Variants in PLEKHA8 observed in about 807,000 individuals in gnomAD.
The protein encoded by PLEKHA8 is pleckstrin homology domain containing A8.
A neutral mutation model predicts 68.2 loss-of-function variants in PLEKHA8; 36 were observed. The ratio of observed to expected loss-of-function variants is 0.53; its 90% CI spans 0.40 to 0.70. PLEKHA8 has a LOEUF of 0.70. PLEKHA8 is among the 30% of genes least tolerant of loss of function. PLEKHA8 has a pLI of 0.00. For missense variants in PLEKHA8, 505 were observed against 615.4 expected (o/e 0.82, Z 1.90); for synonymous variants, 211 against 216.1 (o/e 0.98, Z 0.20).
intron 13 of PLEKHA8, among the ~76,000 whole-genome samples, chr7:30,075,570 G>A (rs3828975): frequency 2.0e-5 from 3 of 152,152 alleles, no homozygotes; most frequent in Non-Finnish European, 4.4e-5. Context: ...CTCCATTAGA[G>A]CTCTCTGCAG....
intron 12 of PLEKHA8, among the ~76,000 whole-genome samples, chr7:30,068,488 C>T (rs1282430780): frequency 2.0e-5 from 3 of 152,114 alleles, no homozygotes; most frequent in Non-Finnish European, 4.4e-5. Context: ...GTAGCTTTTC[C>T]TGTCTTCACT....
chr7:30,056,278 T>TTCTCCCTCTCTCTCTCTC (rs1554384848), intron 9 of PLEKHA8, among the ~76,000 whole-genome samples: 1 of 56,384 alleles, frequency 1.8e-5, no homozygotes, highest in Non-Finnish European at 3.6e-5. Flanking sequence ...TAAAGATATA[T>TTCTCCCTCTCTCTCTCTC]TCTCTCTCTC....
At chr7:30,075,214 T>A (rs1418050917) in intron 13 of PLEKHA8, 2 of 152,096 alleles carry the variant, frequency 1.3e-5, no homozygotes, top group African/African-American at 4.8e-5. Context: ...CAAATCAGAT[T>A]CTAATGAAAA....
At chr7:30,050,567 G>C in intron 6 of PLEKHA8, 93 bp downstream of exon 6, 2 of 1,372,606 alleles carry the variant, frequency 1.5e-6, no homozygotes, top group Non-Finnish European at 1.9e-6. Context: ...TCTTGTAATG[G>C]TTTTTCTCAG....
chr7:30,056,238 C>T (rs866633338), intron 9 of PLEKHA8, among the ~76,000 whole-genome samples: 33 of 146,516 alleles, frequency 2.3e-4, no homozygotes, highest in African/African-American at 5.5e-4. Context: ...CCACCACGCC[C>T]GGCCTGCAAA....
At chr7:30,029,316 A>G (rs1324333774) in intron 1 of PLEKHA8, among the ~76,000 whole-genome samples, 2 of 152,226 alleles carry the variant, frequency 1.3e-5, no homozygotes, top group East Asian at 1.9e-4. Context: ...CAGGGTGTCA[A>G]GAGTCCCAAC....
intron 13 of PLEKHA8, among the ~76,000 whole-genome samples, chr7:30,119,467 T>G (rs1796660538): frequency 6.6e-6 from 1 of 152,204 alleles, no homozygotes; most frequent in African/African-American, 2.4e-5. Flanking sequence ...CTCAAAGCCG[T>G]GCATTACATT....
chr7:30,047,702 A>C, intron 3 of PLEKHA8, 130 bp from the exon 4 acceptor site: 1 of 955,208 alleles, frequency 1.0e-6, no homozygotes, highest in South Asian at 1.9e-5. Flanking sequence ...CCCATACTTT[A>C]AAGATTTGAC....
intron 13 of PLEKHA8, among the ~76,000 whole-genome samples, chr7:30,113,037 T>C (rs941858574): frequency 2.0e-5 from 3 of 152,206 alleles, no homozygotes; most frequent in Admixed American, 6.5e-5. Flanking sequence ...TCTGACATGT[T>C]TTTGTCTTCT....
chr7:30,114,760 T>C (rs2128019272), intron 13 of PLEKHA8, among the ~76,000 whole-genome samples: 1 of 152,224 alleles, frequency 6.6e-6, no homozygotes, highest in South Asian at 2.1e-4. Context: ...TCAAGAGCAG[T>C]TTTGCATTTG....
At chr7:30,070,823 C>T (rs929788291) in intron 12 of PLEKHA8, among the ~76,000 whole-genome samples, 2 of 152,150 alleles carry the variant, frequency 1.3e-5, no homozygotes, top group Non-Finnish European at 2.9e-5. Context: ...GGATTATAGG[C>T]GTGAGCCACC....
intron 13 of PLEKHA8, chr7:30,115,964 A>G (rs1796496958): frequency 7.5e-6 from 1 of 132,854 alleles, no homozygotes; most frequent in African/African-American, 2.8e-5. Context: ...ACATGCATGC[A>G]TACATGTGCA....
Position 30,106,330 on chromosome 7 carries a change from C to G in PLEKHA8, c.1363-22936C>G, listed in dbSNP as rs574780899. On this transcript the variant is annotated intron_variant, in intron 13 of 13. Transcript: ENST00000396257. ...TGTCTGCCTTGGCTTTCCAAAAGTG[C>G]TCGGATTATAGACATGAGCCACCAT... Among the ~76,000 whole-genome samples, 5 of 152,244 alleles carry G rather than the reference C, an allele frequency of 3.3e-5. No individual in the cohort carries two copies. The East Asian group carries it at 9.6e-4, about 29-fold the overall frequency.
At chr7:30,077,940 G>C (rs1390376936) in intron 13 of PLEKHA8, among the ~76,000 whole-genome samples, 3 of 152,132 alleles carry the variant, frequency 2.0e-5, no homozygotes, top group African/African-American at 4.8e-5. Context: ...TCCAAGTTCA[G>C]ATCCTAGCCC....
At chr7:30,066,919 A>C (rs577997007) in intron 12 of PLEKHA8, among the ~76,000 whole-genome samples, 1 of 152,312 alleles carries the variant, frequency 6.6e-6, no homozygotes, top group South Asian at 2.1e-4. Flanking sequence ...TAAAGTCAGA[A>C]CTCATAATCA....
At chr7:30,034,580 A>AT (rs1360234397) in intron 1 of PLEKHA8, among the ~76,000 whole-genome samples, 6 of 152,344 alleles carry the variant, frequency 3.9e-5, no homozygotes, top group African/African-American at 1.4e-4. Context: ...GAAGAAAATG[A>AT]TAAGGAAGAG....
chr7:30,056,774 T>A (rs1793004465), intron 9 of PLEKHA8, among the ~76,000 whole-genome samples: 3 of 133,490 alleles, frequency 2.2e-5, no homozygotes, highest in Non-Finnish European at 4.7e-5. Context: ...TGTGTGTGTG[T>A]GTGTGTGTGT....
At chr7:30,062,546 G>A (rs2127989074) in intron 11 of PLEKHA8, 126 bp from the exon 12 acceptor site, 4 of 711,822 alleles carry the variant, frequency 5.6e-6, no homozygotes, top group Admixed American at 2.3e-5. Context: ...ACTGCCATAT[G>A]ATTTGACCTA....
intron 13 of PLEKHA8, among the ~76,000 whole-genome samples, chr7:30,096,041 G>GT (rs1358654977): frequency 6.6e-6 from 1 of 152,190 alleles, no homozygotes; most frequent in East Asian, 1.9e-4. Flanking sequence ...GTCTAAAGTA[G>GT]TTTTTTCCAA....
Sources: allele counts gnomAD v4.1 joint callset (sites outside exome capture counted in the v4.1 genomes callset), GRCh38; gene constraint gnomAD v4.1.1; transcripts MANE v1.5; gene names NCBI Gene and HGNC (gene_info 2026-07-23, HGNC 2026-07-21).